The following CNTNAP5 variants were observed in gnomAD, a reference collection of about 807,000 sequenced individuals.
CNTNAP5 encodes contactin-associated protein-like 5.
A neutral mutation model predicts 150.2 loss-of-function variants in CNTNAP5; 72 were observed. The ratio of observed to expected loss-of-function variants is 0.48; its 90% CI spans 0.40 to 0.58. The LOEUF is 0.58. Ranked by LOEUF, CNTNAP5 falls within the 20% of genes least tolerant of loss-of-function variation. The pLI, the probability that CNTNAP5 is intolerant of heterozygous loss-of-function variation, is 0.00. For missense variants in CNTNAP5, 1,636 were observed against 1,626.2 expected, an observed-to-expected ratio of 1.01 and a Z score of -0.10; for synonymous variants, 672 against 619.8, an observed-to-expected ratio of 1.08 and a Z score of -1.25.
intron 21 of CNTNAP5, among the ~76,000 whole-genome samples, chr2:124,877,871 T>C (rs1363556214): frequency 1.3e-5 from 2 of 152,140 alleles, no homozygotes; most frequent in African/African-American, 4.8e-5. Flanking sequence ...TATTTCATAA[T>C]ATCTTTCTGT....
At chr2:124,119,470 G>A (rs903971129) in intron 1 of CNTNAP5, among the ~76,000 whole-genome samples, 27 of 150,060 alleles carry the variant, frequency 1.8e-4, no homozygotes, top group African/African-American at 6.4e-4. Flanking sequence ...GGTAAATCTT[G>A]TTCTCACCAG....
intron 11 of CNTNAP5, among the ~76,000 whole-genome samples, chr2:124,599,778 C>A (rs1463387020): frequency 1.3e-5 from 2 of 151,890 alleles, no homozygotes; most frequent in Non-Finnish European, 2.9e-5. Context: ...ACTCAGTGAC[C>A]CAGGCTGGAA....
intron 20 of CNTNAP5, among the ~76,000 whole-genome samples, chr2:124,868,964 G>A (rs1186536410): frequency 6.6e-6 from 1 of 152,102 alleles, no homozygotes; most frequent in Admixed American, 6.6e-5. Context: ...GGGCTCCCTA[G>A]GAATGGGAAG....
chr2:124,327,431 A>G (rs938530711), intron 3 of CNTNAP5, among the ~76,000 whole-genome samples: 1 of 152,148 alleles, frequency 6.6e-6, no homozygotes, highest in Non-Finnish European at 1.5e-5. Flanking sequence ...GTCAACCTGA[A>G]AAACTAGTTC....
rs139809764 is a variant in CNTNAP5 at position 124,288,115 on chromosome 2, A to G, written c.381+45722A>G. ...TGGCTAATTTATTCTTTTTTCATAT[A>G]GACAAGGACTCACCATGTTTCCCAG... On this transcript the variant is annotated intron_variant, in intron 3 of 23. Transcript: ENST00000682447. Among the ~76,000 whole-genome samples, 21 of 152,222 alleles carry G rather than the reference A, an allele frequency of 1.4e-4. 1 individual carries two copies. The East Asian group carries it at 3.9e-3, about 28-fold the overall frequency.
chr2:124,324,191 T>C (rs983569607), intron 3 of CNTNAP5, among the ~76,000 whole-genome samples: 10 of 152,132 alleles, frequency 6.6e-5, no homozygotes, highest in African/African-American at 2.4e-4. Flanking sequence ...AACCACTGAA[T>C]TGGTAAAAAG....
chr2:124,239,694 A>ATT (rs34649478), intron 2 of CNTNAP5, among the ~76,000 whole-genome samples: 156 of 149,282 alleles, frequency 1.0e-3, no homozygotes, highest in African/African-American at 2.0e-3. Flanking sequence ...TTTCAACAAC[A>ATT]TTTTTTTTTT....
chr2:124,154,657 C>A (rs972136119), intron 1 of CNTNAP5, among the ~76,000 whole-genome samples: 1 of 152,090 alleles, frequency 6.6e-6, no homozygotes, highest in African/African-American at 2.4e-5. Context: ...TGCTGAAGTG[C>A]CAGAATGGAC....
At chr2:124,153,932 T>C (rs1466337923) in intron 1 of CNTNAP5, among the ~76,000 whole-genome samples, 3 of 152,042 alleles carry the variant, frequency 2.0e-5, no homozygotes, top group African/African-American at 7.2e-5. Context: ...TTTTTCTTTT[T>C]TTTAATAGGA....
At chr2:124,719,628 T>G (rs1680011414) in intron 13 of CNTNAP5, among the ~76,000 whole-genome samples, 2 of 152,214 alleles carry the variant, frequency 1.3e-5, no homozygotes, top group African/African-American at 4.8e-5. Flanking sequence ...GGCTACGTAA[T>G]AGTTTCTCTT....
intron 1 of CNTNAP5, among the ~76,000 whole-genome samples, chr2:124,115,213 A>G (rs1294258184): frequency 1.3e-5 from 2 of 152,162 alleles, no homozygotes; most frequent in African/African-American, 4.8e-5. Flanking sequence ...AATTCAAATA[A>G]TCATCATAAA....
intron 11 of CNTNAP5, among the ~76,000 whole-genome samples, chr2:124,600,788 G>A (rs958543106): frequency 1.4e-5 from 2 of 140,126 alleles, no homozygotes; most frequent in Non-Finnish European, 3.1e-5. Context: ...AAAGAGAGAA[G>A]CAAAAACCAC....
intron 1 of CNTNAP5, among the ~76,000 whole-genome samples, chr2:124,074,743 T>A (rs1682397770): frequency 1.3e-5 from 2 of 152,132 alleles, no homozygotes; most frequent in Non-Finnish European, 1.5e-5. Flanking sequence ...AATTTGATCA[T>A]CTTGTGTCTA....
chr2:124,380,980 G>A (rs1690780374), intron 3 of CNTNAP5, among the ~76,000 whole-genome samples: 1 of 152,182 alleles, frequency 6.6e-6, no homozygotes, highest in Non-Finnish European at 1.5e-5. Flanking sequence ...CTGGGGAAGA[G>A]AGGGCTGGAA....
At chr2:124,062,753 C>T (rs947419436) in intron 1 of CNTNAP5, among the ~76,000 whole-genome samples, 5 of 152,082 alleles carry the variant, frequency 3.3e-5, no homozygotes, top group African/African-American at 4.8e-5. Flanking sequence ...TCCTATCAGT[C>T]GAGGCCGTGA....
chr2:124,663,057 A>C (rs1678625105), intron 13 of CNTNAP5, among the ~76,000 whole-genome samples: 1 of 152,228 alleles, frequency 6.6e-6, no homozygotes, highest in South Asian at 2.1e-4. Context: ...ATCTGAGTTA[A>C]TCCTTCGAAT....
intron 19 of CNTNAP5, among the ~76,000 whole-genome samples, chr2:124,846,375 G>C (rs967602922): frequency 6.6e-6 from 1 of 152,138 alleles, no homozygotes; most frequent in South Asian, 2.1e-4. Flanking sequence ...GGACTGCTGA[G>C]ACTTTCCGGT....
intron 4 of CNTNAP5, among the ~76,000 whole-genome samples, chr2:124,426,484 A>G (rs1253399036): frequency 6.6e-6 from 1 of 152,208 alleles, no homozygotes; most frequent in Non-Finnish European, 1.5e-5. Flanking sequence ...ATAATGTATC[A>G]TGACATAAGC....
intron 8 of CNTNAP5, among the ~76,000 whole-genome samples, chr2:124,517,558 G>A (rs1263059310): frequency 6.6e-6 from 1 of 150,774 alleles, no homozygotes; most frequent in Non-Finnish European, 1.5e-5. Context: ...TAGTGTTGGT[G>A]ATGGAGGGTT....
Sources: gnomAD v4.1 joint callset for allele counts (sites outside exome capture counted in the v4.1 genomes callset) on GRCh38, gnomAD v4.1.1 for gene constraint, MANE v1.5 for transcripts, NCBI Gene and HGNC (gene_info 2026-07-23, HGNC 2026-07-21) for gene names.